Variants in SIDT1 observed in about 807,000 individuals in gnomAD.
SIDT1 encodes SID1 transmembrane family member 1, also known as SID1 transmembrane family, member 1.
SIDT1 carries 101 observed loss-of-function variants against 107.5 expected under a neutral mutation model. The ratio of observed to expected loss-of-function variants is 0.94; its 90% CI spans 0.80 to 1.11. The LOEUF is 1.11. Among genes scored for constraint, SIDT1 ranks in the 50% least tolerant of loss-of-function variants. SIDT1 has a pLI of 0.00. For synonymous variants in SIDT1, 395 were observed against 398.2 expected, an observed-to-expected ratio of 0.99 and a Z score of 0.10; for missense variants, 1,076 against 1,058.2, an observed-to-expected ratio of 1.02 and a Z score of -0.23.
intron 10 of SIDT1, among the ~76,000 whole-genome samples, chr3:113,593,593 G>C (rs1944334699): frequency 6.6e-6 from 1 of 152,168 alleles, no homozygotes; most frequent in African/African-American, 2.4e-5. Flanking sequence ...CCTTTACTAG[G>C]AGTGTCCCTT....
At chr3:113,603,181 G>A in intron 12 of SIDT1, 31 bp downstream of exon 12, 1 of 1,590,506 alleles carries the variant, frequency 6.3e-7, no homozygotes, top group Non-Finnish European at 8.6e-7. Flanking sequence ...TACTCTTTGA[G>A]AGGGCAGAAA....
downstream of SIDT1, among the ~76,000 whole-genome samples, chr3:113,632,291 G>A (rs1192062223): frequency 6.6e-6 from 1 of 152,110 alleles, no homozygotes; most frequent in Non-Finnish European, 1.5e-5. Context: ...TTTTGTGTGA[G>A]TTATGACTCT....
At chr3:113,618,411 G>GT (rs1946246759) in intron 20 of SIDT1, among the ~76,000 whole-genome samples, 2 of 152,320 alleles carry the variant, frequency 1.3e-5, no homozygotes, top group South Asian at 4.1e-4. Flanking sequence ...TTGTGTGGAC[G>GT]TAAGTTTTCA....
At chr3:113,541,901 G>C (rs1026520788) in intron 1 of SIDT1, among the ~76,000 whole-genome samples, 1 of 148,058 alleles carries the variant, frequency 6.8e-6, no homozygotes, top group Non-Finnish European at 1.5e-5. Context: ...ACTTTATCTA[G>C]TAGGTCAATT....
At chr3:113,605,122 C>CACTTT in intron 14 of SIDT1, 146 bp downstream of exon 14, 5 of 306,968 alleles carry the variant, frequency 1.6e-5, no homozygotes, top group Non-Finnish European at 2.7e-5. Flanking sequence ...CTATTGCTTC[C>CACTTT]TCTTTTTTTT....
intron 14 of SIDT1, among the ~76,000 whole-genome samples, chr3:113,605,744 C>G (rs777612630): frequency 5.3e-5 from 8 of 152,086 alleles, no homozygotes; most frequent in Non-Finnish European, 1.2e-4. Context: ...TGGCTCACAT[C>G]TGTAATCCCA....
intron 23 of SIDT1, 69 bp downstream of exon 23, chr3:113,623,802 C>T: frequency 9.9e-7 from 1 of 1,007,948 alleles, no homozygotes. Context: ...CTTTCTACCT[C>T]CCTCTCTTAA....
At chr3:113,547,517 A>G (rs554605919) in intron 1 of SIDT1, among the ~76,000 whole-genome samples, 46 of 152,270 alleles carry the variant, frequency 3.0e-4, no homozygotes, top group Non-Finnish European at 5.0e-4. Flanking sequence ...AAACAAAGAA[A>G]TTTATTTTGC....
Position 113,567,575 on chromosome 3 carries a change from G to C in SIDT1, c.380G>C (p.Arg127Pro). 2 of 1,613,650 alleles carry C rather than the reference G, an allele frequency of 1.2e-6. No homozygotes were observed. Among genetic ancestry groups the C allele is most frequent in the Non-Finnish European group, 1.7e-6 (2 of 1,179,780 alleles). Residue 127 changes from arginine to proline, a missense_variant, in exon 3 of 25, where the codon CGC becomes CCC. Transcript: ENST00000264852. ...QRSYNYQEVS[R>P]TLCPSEATNE... ...AGCTACAACTATCAAGAAGTGAGCC[G>C]CACCTTATGTCCCTCAGAAGCAACC...
intron 23 of SIDT1, among the ~76,000 whole-genome samples, chr3:113,624,660 A>G (rs1036577137): frequency 1.3e-5 from 2 of 152,072 alleles, no homozygotes; most frequent in African/African-American, 2.4e-5. Context: ...AAATACATGT[A>G]TATTCTTTGG....
intron 17 of SIDT1, among the ~76,000 whole-genome samples, chr3:113,609,058 C>CTTTTTTTTTTTTTTTTTTTTTTTTTT (rs11453487): frequency 1.2e-5 from 1 of 86,682 alleles, no homozygotes; most frequent in Non-Finnish European, 2.1e-5. Flanking sequence ...TGAGCCCATT[C>CTTTTTTTTTTTTTTTTTTTTTTTTTT]TTTTTTTTTT....
intron 3 of SIDT1, among the ~76,000 whole-genome samples, chr3:113,570,089 A>G (rs1053523003): frequency 3.9e-5 from 6 of 152,108 alleles, no homozygotes; most frequent in African/African-American, 1.4e-4. Flanking sequence ...TATTTTTAGT[A>G]GAGACGGATT....
chr3:113,631,857 G>A (rs891381592), downstream of SIDT1, among the ~76,000 whole-genome samples: 12 of 152,180 alleles, frequency 7.9e-5, no homozygotes, highest in African/African-American at 2.9e-4. Flanking sequence ...CGTTGTTCAC[G>A]AAGAAGTACC....
intron 15 of SIDT1, among the ~76,000 whole-genome samples, 164 bp downstream of exon 15, chr3:113,607,278 G>A (rs1027425028): frequency 2.0e-5 from 3 of 152,184 alleles, no homozygotes; most frequent in African/African-American, 4.8e-5. Flanking sequence ...TGCTCCTCCC[G>A]TTCCTGTATG....
intron 1 of SIDT1, among the ~76,000 whole-genome samples, chr3:113,540,389 C>T (rs1938678019): frequency 6.6e-6 from 1 of 152,118 alleles, no homozygotes; most frequent in Non-Finnish European, 1.5e-5. Context: ...TGCTTTATCC[C>T]CAAAGAAACA....
chr3:113,601,966 A>C, intron 11 of SIDT1: 1 of 263,022 alleles, frequency 3.8e-6, no homozygotes. Context: ...TAGGGCATGA[A>C]AGATGTGTCC....
At chr3:113,602,406 G>A (rs1012277258) in intron 11 of SIDT1, 4 of 152,332 alleles carry the variant, frequency 2.6e-5, no homozygotes, top group Non-Finnish European at 4.4e-5. Context: ...GAAACCATCT[G>A]AACAGAAGAA....
At chr3:113,612,052 C>A in intron 18 of SIDT1, 34 bp from the exon 19 acceptor site, 1 of 1,503,796 alleles carries the variant, frequency 6.6e-7, no homozygotes, top group African/African-American at 1.4e-5. Context: ...TAGGGAAAAC[C>A]TCAGATGAAG....
Position 113,603,943 on chromosome 3 carries a change from T to C in SIDT1, c.1264-17T>C. The C allele has an allele frequency of 6.2e-7, 1 of 1,603,996 alleles. No individual in the cohort carries two copies. Among genetic ancestry groups the C allele is most frequent in the Non-Finnish European group, 8.5e-7 (1 of 1,172,112 alleles). On this transcript the variant is annotated splice_polypyrimidine_tract_variant and intron_variant, in intron 12 of 24. Transcript: ENST00000264852. ...GCTGAGTACAGTTTTGCATTCTCTT[T>C]TTATTTGGCATTCCAGATGTTCCTT...
Sources: gnomAD v4.1 joint callset for allele counts (sites outside exome capture counted in the v4.1 genomes callset) on GRCh38, gnomAD v4.1.1 for gene constraint, MANE v1.5 for transcripts, NCBI Gene and HGNC (gene_info 2026-07-23, HGNC 2026-07-21) for gene names.